The following ARMC9 variants were observed in gnomAD, a reference collection of about 807,000 sequenced individuals.
The protein encoded by ARMC9 is lisH domain-containing protein ARMC9.
ARMC9 carries 94 observed loss-of-function variants against 107.0 expected under a neutral mutation model. The observed-to-expected ratio is 0.88, with a 90% CI of 0.74 to 1.04. The LOEUF is 1.04. Ranked by LOEUF, ARMC9 falls within the 50% of genes least tolerant of loss-of-function variation. The probability of loss-of-function intolerance (pLI) is 0.00; values close to 1 mark genes in which losing one functional copy is unlikely to be tolerated. For synonymous variants in ARMC9, 380 were observed against 396.9 expected (o/e 0.96, Z 0.51); for missense variants, 942 against 1,030.1 (o/e 0.91, Z 1.17).
intron 12 of ARMC9, among the ~76,000 whole-genome samples, chr2:231,264,710 T>A (rs887448805): frequency 2.0e-5 from 3 of 151,462 alleles, no homozygotes; most frequent in Non-Finnish European, 2.9e-5. Context: ...TTGGTCAGGC[T>A]GGTCTCGAAC....
chr2:231,366,639 G>A (rs1033149673), intron 23 of ARMC9, among the ~76,000 whole-genome samples: 48 of 151,896 alleles, frequency 3.2e-4, no homozygotes, highest in Admixed American at 4.6e-4. Context: ...TCAGGAGATC[G>A]AGACCATCCT....
At chr2:231,310,655 C>T (rs180844620) in intron 19 of ARMC9, among the ~76,000 whole-genome samples, 119 of 150,068 alleles carry the variant, frequency 7.9e-4, no homozygotes, top group African/African-American at 2.8e-3. Flanking sequence ...CGCTTGAACC[C>T]GGGGTAGGGG....
In ARMC9 at chr2:231,235,334, A is replaced by G. The variant is rs772971475; in HGVS notation, c.733A>G (p.Thr245Ala). 6.2e-6 allele frequency: 10 copies of G among 1,614,116 alleles called. No individual in the cohort carries two copies. The highest frequency in any genetic ancestry group is 8.5e-6 in the Non-Finnish European group (10 of 1,180,042). ...QADYHNLIGV[T>A]AELVDSLEAT... Reference sequence around the variant, plus strand: ...CGACTACCACAATCTCATTGGAGTCACAGCAGAGCTGGTGGATTCTCTAGA... The same window carrying G: ...CGACTACCACAATCTCATTGGAGTCGCAGCAGAGCTGGTGGATTCTCTAGA... Residue 245 changes from threonine to alanine, a missense_variant, in exon 8 of 25, where the codon ACA (threonine) becomes GCA (alanine). Coordinates refer to ENST00000611582, the MANE Select transcript of ARMC9 (RefSeq NM_001352754.2).
intron 6 of ARMC9, among the ~76,000 whole-genome samples, chr2:231,224,393 A>G (rs2034448650): frequency 6.6e-6 from 1 of 152,234 alleles, no homozygotes; most frequent in South Asian, 2.1e-4. Context: ...TTGAGGCTGC[A>G]TTGAGCTGTG....
chr2:231,350,452 T>C (rs2045012630), intron 21 of ARMC9, among the ~76,000 whole-genome samples: 1 of 151,912 alleles, frequency 6.6e-6, no homozygotes, highest in African/African-American at 2.4e-5. Context: ...GTTTGATACA[T>C]TTCCTTGCTA....
chr2:231,291,234 A>G (rs763405858), intron 17 of ARMC9, 119 bp from the exon 18 acceptor site: 66 of 738,490 alleles, frequency 8.9e-5, no homozygotes, highest in Admixed American at 7.4e-4. Flanking sequence ...CCCCCACCCA[A>G]GGTATCCTCT....
intron 19 of ARMC9, among the ~76,000 whole-genome samples, chr2:231,323,026 C>T (rs141644081): frequency 6.2e-4 from 94 of 152,236 alleles, no homozygotes; most frequent in African/African-American, 2.2e-3. Context: ...GAGAGGCTAG[C>T]AGAATTCTTT....
rs1341987081 is a variant in ARMC9, at chr2:231,328,814, C to CT, written c.1774-2975dup. Among the ~76,000 whole-genome samples, 19 of 127,342 alleles carry CT rather than the reference C, an allele frequency of 1.5e-4. 4 individuals are homozygous for CT. Among genetic ancestry groups the CT allele is most frequent in the Non-Finnish European group, 2.5e-4 (15 of 58,962 alleles). 83.5% of individuals were successfully genotyped at this position (127,342 alleles called of 152,430 possible). On this transcript the variant is annotated intron_variant, in intron 19 of 24. Coordinates refer to ENST00000611582, the MANE Select transcript of ARMC9 (RefSeq NM_001352754.2). ...AGCGTGTTCAATTTTCTTTTCTTTT[C>CT]TTTTCTTTTTTTTTTTTTGAGTCGG...
chr2:231,354,032 A>G (rs572028139), intron 21 of ARMC9, among the ~76,000 whole-genome samples: 6 of 152,050 alleles, frequency 3.9e-5, no homozygotes, highest in Non-Finnish European at 7.4e-5. Flanking sequence ...ATAGATATAT[A>G]GATTTTTTTC....
At chr2:231,302,127 TATG>T (rs2041769830) in intron 19 of ARMC9, among the ~76,000 whole-genome samples, 1 of 152,182 alleles carries the variant, frequency 6.6e-6, no homozygotes, top group Non-Finnish European at 1.5e-5. Context: ...AGTCATTAAA[TATG>T]TTATGCATAG....
At chr2:231,322,673 C>T (rs2043064014) in intron 19 of ARMC9, among the ~76,000 whole-genome samples, 1 of 152,132 alleles carries the variant, frequency 6.6e-6, no homozygotes, top group African/African-American at 2.4e-5. Context: ...CGCATTAGGA[C>T]ATCTAAATTC....
In ARMC9 at chr2:231,258,401, G is replaced by A. The variant is rs190642127; in HGVS notation, c.915-590G>A. On this transcript the variant is annotated intron_variant, in intron 10 of 24. Transcript: ENST00000611582. ...TCACCATGTTGGCCAGGCTGGTCTCGAACTCCTGACCTTAGGTGATCCACC... is the reference window on the plus strand; with the variant it reads ...TCACCATGTTGGCCAGGCTGGTCTCAAACTCCTGACCTTAGGTGATCCACC... 2.3e-3 allele frequency among the ~76,000 whole-genome samples: 347 copies of A among 152,060 alleles called. 1 individual carries two copies. The highest frequency in any genetic ancestry group is 4.0e-3 in the Non-Finnish European group (271 of 67,992).
chr2:231,300,367 A>G (rs1296675230), intron 19 of ARMC9, among the ~76,000 whole-genome samples: 1 of 152,228 alleles, frequency 6.6e-6, no homozygotes, highest in Non-Finnish European at 1.5e-5. Context: ...ACACTATTGT[A>G]GGAACTAATG....
chr2:231,236,610 A>G (rs1241197674), intron 8 of ARMC9, among the ~76,000 whole-genome samples: 1 of 152,164 alleles, frequency 6.6e-6, no homozygotes, highest in Non-Finnish European at 1.5e-5. Flanking sequence ...TACTCTGGGC[A>G]ATATGGTGAG....
chr2:231,233,566 C>T (rs994935289), intron 7 of ARMC9, among the ~76,000 whole-genome samples: 10 of 152,046 alleles, frequency 6.6e-5, no homozygotes, highest in Non-Finnish European at 1.2e-4. Context: ...CACCTGAGGT[C>T]GGGAGTTCAA....
intron 3 of ARMC9, among the ~76,000 whole-genome samples, chr2:231,209,932 C>T (rs1371653283): frequency 1.3e-5 from 2 of 152,228 alleles, no homozygotes; most frequent in Admixed American, 6.5e-5. Context: ...GATCTTCCTG[C>T]CTCAACCTCC....
At chr2:231,336,723 T>C (rs1429311476) in intron 20 of ARMC9, among the ~76,000 whole-genome samples, 1 of 152,264 alleles carries the variant, frequency 6.6e-6, no homozygotes, top group Admixed American at 6.5e-5. Flanking sequence ...TGCAGGTTCC[T>C]GGCCCCACAT....
At chr2:231,214,803 G>C (rs755195289) in intron 3 of ARMC9, 28 bp from the exon 4 acceptor site, 5 of 1,607,656 alleles carry the variant, frequency 3.1e-6, no homozygotes, top group Non-Finnish European at 3.4e-6. Flanking sequence ...TTTACAACGA[G>C]GTATGTAGTC....
intron 16 of ARMC9, among the ~76,000 whole-genome samples, chr2:231,281,141 C>T (rs1393027290): frequency 6.8e-6 from 1 of 146,846 alleles, no homozygotes; most frequent in Non-Finnish European, 1.5e-5. Flanking sequence ...ATAAAGGGGA[C>T]ATAGTGTGAA....
Sources: gnomAD v4.1 joint callset for allele counts (sites outside exome capture counted in the v4.1 genomes callset) on GRCh38, gnomAD v4.1.1 for gene constraint, MANE v1.5 for transcripts, NCBI Gene and HGNC (gene_info 2026-07-23, HGNC 2026-07-21) for gene names.